ZRANB3: variants seen among roughly 807,000 people sequenced by gnomAD.
ZRANB3 encodes DNA annealing helicase and endonuclease ZRANB3.
Under a neutral mutation model 133.8 loss-of-function variants are expected in ZRANB3, and 125 were observed. The observed-to-expected ratio is 0.93, with a 90% CI of 0.81 to 1.08. ZRANB3 has a LOEUF of 1.08. ZRANB3 is among the 50% of genes least tolerant of loss of function. ZRANB3 has a pLI of 0.00. For synonymous variants in ZRANB3, 387 were observed against 432.7 expected (o/e 0.89, Z 1.31); for missense variants, 1,229 against 1,275.5 (o/e 0.96, Z 0.56).
intron 8 of ZRANB3, among the ~76,000 whole-genome samples, chr2:135,282,190 T>C (rs1398410724): frequency 6.6e-6 from 1 of 152,192 alleles, no homozygotes; most frequent in African/African-American, 2.4e-5. Context: ...TTGATTTACT[T>C]ACTATCCTTT....
intron 1 of ZRANB3, among the ~76,000 whole-genome samples, chr2:135,523,778 A>G (rs1227275524): frequency 6.6e-6 from 1 of 152,212 alleles, no homozygotes; most frequent in Non-Finnish European, 1.5e-5. Context: ...TTGATTATTC[A>G]GTACCTCTTT....
chr2:135,456,070 T>A (rs1330702931), intron 2 of ZRANB3, among the ~76,000 whole-genome samples: 1 of 152,250 alleles, frequency 6.6e-6, no homozygotes, highest in Non-Finnish European at 1.5e-5. Flanking sequence ...GCTTTGGAGA[T>A]TTTTCTTTTT....
At chr2:135,521,063 A>G (rs1396596420) in intron 1 of ZRANB3, among the ~76,000 whole-genome samples, 1 of 152,206 alleles carries the variant, frequency 6.6e-6, no homozygotes, top group African/African-American at 2.4e-5. Flanking sequence ...TCATAAGATA[A>G]ATATAATTAT....
At chr2:135,363,246 G>T (rs1275662440) in intron 3 of ZRANB3, among the ~76,000 whole-genome samples, 2 of 152,078 alleles carry the variant, frequency 1.3e-5, no homozygotes, top group Non-Finnish European at 2.9e-5. Flanking sequence ...ATAGTTCATT[G>T]TAACCTCAAA....
intron 12 of ZRANB3, among the ~76,000 whole-genome samples, chr2:135,234,152 G>A (rs1049749898): frequency 1.3e-5 from 2 of 151,894 alleles, no homozygotes; most frequent in East Asian, 1.9e-4. Flanking sequence ...TCCTAGTCTC[G>A]GATAAAACAG....
At chr2:135,426,015 A>G (rs1689048347) in intron 2 of ZRANB3, among the ~76,000 whole-genome samples, 2 of 152,126 alleles carry the variant, frequency 1.3e-5, no homozygotes, top group South Asian at 2.1e-4. Context: ...GGACATTACC[A>G]TTGACCCCAC....
chr2:135,245,544 C>T (rs893951238), intron 12 of ZRANB3, among the ~76,000 whole-genome samples: 2 of 151,918 alleles, frequency 1.3e-5, no homozygotes, highest in East Asian at 4.0e-4. Context: ...CTCCGCCTCC[C>T]TGGTTCAAGT....
At chr2:135,303,325 GCTCC>G (rs1682531874) in intron 8 of ZRANB3, among the ~76,000 whole-genome samples, 2 of 152,018 alleles carry the variant, frequency 1.3e-5, no homozygotes, top group Admixed American at 1.3e-4. Flanking sequence ...ACATATGTAT[GCTCC>G]TAAGAATTTT....
intron 15 of ZRANB3, among the ~76,000 whole-genome samples, chr2:135,220,496 G>A (rs940022869): frequency 5.9e-5 from 9 of 151,740 alleles, no homozygotes; most frequent in East Asian, 2.0e-4. Context: ...TCATGAGTTC[G>A]AGACGAGCCT....
Position 135,208,979 on chromosome 2 carries a change from C to T in ZRANB3, c.2496-1G>A. ...GGCAACATCTTCTTTGGTTATGTAT[C>T]TAAAACAATGATATGTTAAATAGAT... On this transcript the variant is annotated splice_acceptor_variant, in intron 17 of 20. Transcript: ENST00000264159. LOFTEE classifies it high-confidence loss of function. 1 of 1,612,936 alleles carries T rather than the reference C, an allele frequency of 6.2e-7. No individual in the cohort carries two copies. Among genetic ancestry groups the T allele is most frequent in the Non-Finnish European group, 8.5e-7 (1 of 1,179,036 alleles).
At chr2:135,363,644 G>A (rs2104890106) in intron 3 of ZRANB3, among the ~76,000 whole-genome samples, 1 of 152,178 alleles carries the variant, frequency 6.6e-6, no homozygotes, top group East Asian at 1.9e-4. Flanking sequence ...GCTTGGGTAG[G>A]GTAGGGAGAA....
At chr2:135,367,846 T>C (rs1416978729) in intron 3 of ZRANB3, among the ~76,000 whole-genome samples, 12 of 152,192 alleles carry the variant, frequency 7.9e-5, no homozygotes, top group Admixed American at 7.9e-4. Flanking sequence ...AAATATATTA[T>C]TGAATAACTT....
chr2:135,230,412 G>T, intron 13 of ZRANB3, 101 bp downstream of exon 13: 3 of 1,082,784 alleles, frequency 2.8e-6, no homozygotes, highest in Non-Finnish European at 2.5e-6. Context: ...AAGTTGTGCT[G>T]AGTCACACTA....
intron 2 of ZRANB3, among the ~76,000 whole-genome samples, chr2:135,473,885 C>A (rs1691387603): frequency 6.6e-6 from 1 of 152,044 alleles, no homozygotes; most frequent in South Asian, 2.1e-4. Context: ...GATAGACACA[C>A]TTATAAAAAC....
intron 6 of ZRANB3, among the ~76,000 whole-genome samples, chr2:135,318,302 A>T (rs1358828769): frequency 6.6e-6 from 1 of 151,116 alleles, no homozygotes; most frequent in Non-Finnish European, 1.5e-5. Flanking sequence ...TGAGACTAGG[A>T]AACATTCCTA....
At chr2:135,442,890 G>A (rs905932749) in intron 2 of ZRANB3, among the ~76,000 whole-genome samples, 4 of 152,160 alleles carry the variant, frequency 2.6e-5, no homozygotes, top group African/African-American at 9.7e-5. Flanking sequence ...GCCGAGGTGG[G>A]TGGATCACAA....
chr2:135,437,512 T>C (rs997397955), intron 2 of ZRANB3, among the ~76,000 whole-genome samples: 5 of 152,186 alleles, frequency 3.3e-5, no homozygotes, highest in Admixed American at 6.5e-5. Flanking sequence ...GCAATACATA[T>C]TTCCAGTTTA....
intron 1 of ZRANB3, among the ~76,000 whole-genome samples, chr2:135,508,512 T>C (rs973040426): frequency 2.0e-5 from 3 of 151,920 alleles, no homozygotes; most frequent in African/African-American, 4.8e-5. Flanking sequence ...TAGGCACAAA[T>C]AAGAGAAAAA....
chr2:135,394,649 A>T (rs1687393405), intron 2 of ZRANB3, among the ~76,000 whole-genome samples: 1 of 152,144 alleles, frequency 6.6e-6, no homozygotes, highest in South Asian at 2.1e-4. Flanking sequence ...TATACCTTAC[A>T]TAATAAGATA....
Sources: allele counts gnomAD v4.1 joint callset (sites outside exome capture counted in the v4.1 genomes callset), GRCh38; gene constraint gnomAD v4.1.1; transcripts MANE v1.5; gene names NCBI Gene and HGNC (gene_info 2026-07-23, HGNC 2026-07-21).